KCNU1: variants seen among roughly 807,000 people sequenced by gnomAD.
KCNU1 encodes potassium channel subfamily U member 1.
A neutral mutation model predicts 126.8 loss-of-function variants in KCNU1; 93 were observed. The ratio of observed to expected loss-of-function variants is 0.73; its 90% CI spans 0.62 to 0.87. The LOEUF is 0.87. Among genes scored for constraint, KCNU1 ranks in the 40% least tolerant of loss-of-function variants. The pLI, the probability that KCNU1 is intolerant of heterozygous loss-of-function variation, is 0.00. For missense variants in KCNU1, 1,330 were observed against 1,367.1 expected (o/e 0.97, Z 0.43); for synonymous variants, 523 against 494.2 (o/e 1.06, Z -0.77).
chr8:36,817,938 A>G (rs1014063753), intron 10 of KCNU1, among the ~76,000 whole-genome samples, 178 bp downstream of exon 10: 3 of 152,214 alleles, frequency 2.0e-5, no homozygotes, highest in Admixed American at 6.5e-5. Flanking sequence ...ATTTTGGAAT[A>G]TATCTTGTCA....
chr8:36,856,470 G>C (rs1805531957), intron 18 of KCNU1, among the ~76,000 whole-genome samples: 1 of 152,166 alleles, frequency 6.6e-6, no homozygotes, highest in East Asian at 1.9e-4. Flanking sequence ...TAGTGACTTG[G>C]CTGAACTGTT....
rs762562417 is a variant in KCNU1, at chr8:36,935,705, G to A, written c.3235G>A (p.Asp1079Asn). The change falls in exon 27 of 27, where the codon GAT (aspartate) becomes AAT (asparagine). Residue 1079 changes from aspartate (D) to asparagine (N), a missense_variant. Asp to Asn is a conservative substitution (Grantham distance 23). This residue lies in a region of KCNU1 where 1,054 missense variants were observed against 1,053.9 expected (regional missense o/e 1.00). Transcript: ENST00000399881. ...HSDTNCPPTIDSVTETLYSPV... is the reference protein window; with the variant it reads ...HSDTNCPPTINSVTETLYSPV... ...AGACACAAATTGTCCTCCCACCATTGATTCAGTTACTGAGACATTGTATTC... is the reference window on the plus strand; with the variant it reads ...AGACACAAATTGTCCTCCCACCATTAATTCAGTTACTGAGACATTGTATTC... 1.3e-5 allele frequency: 21 copies of A among 1,613,290 alleles called. No homozygotes were observed. In the Admixed American group the frequency reaches 3.2e-4, roughly 24 times the overall value.
At chr8:36,905,220 T>C (rs995657786) in intron 19 of KCNU1, among the ~76,000 whole-genome samples, 3 of 152,020 alleles carry the variant, frequency 2.0e-5, no homozygotes, top group African/African-American at 7.2e-5. Context: ...ATGCAAAAAG[T>C]ATTTACTAAA....
chr8:36,834,320 C>T (rs992507579), intron 11 of KCNU1, among the ~76,000 whole-genome samples: 1 of 152,142 alleles, frequency 6.6e-6, no homozygotes, highest in Non-Finnish European at 1.5e-5. Flanking sequence ...ACTGTAAGAG[C>T]CATTTCAGTA....
intron 25 of KCNU1, among the ~76,000 whole-genome samples, chr8:36,932,447 T>C (rs1439272162): frequency 2.0e-5 from 3 of 152,076 alleles, no homozygotes; most frequent in Non-Finnish European, 2.9e-5. Context: ...GGGCTTGAAA[T>C]TGTTGTCTAT....
chr8:36,912,030 A>C (rs187186939), intron 22 of KCNU1, among the ~76,000 whole-genome samples: 77 of 152,326 alleles, frequency 5.1e-4, no homozygotes, highest in Non-Finnish European at 5.7e-4. Context: ...TAGAAATAAA[A>C]GTAAGTCATG....
intron 22 of KCNU1, among the ~76,000 whole-genome samples, chr8:36,913,847 T>C (rs4739453): frequency 0.58 from 87,982 of 151,738 alleles, 25,578 homozygotes; most frequent in South Asian, 0.63. Flanking sequence ...GTGATCCGTC[T>C]GCCTCGGCCT....
intron 2 of KCNU1, among the ~76,000 whole-genome samples, chr8:36,801,405 T>C (rs1803298924): frequency 6.6e-6 from 1 of 151,350 alleles, no homozygotes. Context: ...TCTTTGGGTT[T>C]GTGGTATTCA....
At chr8:36,798,632 C>A (rs1269808378) in intron 2 of KCNU1, among the ~76,000 whole-genome samples, 2 of 152,128 alleles carry the variant, frequency 1.3e-5, no homozygotes, top group Non-Finnish European at 2.9e-5. Context: ...CAGTCTTTTA[C>A]CTTAACCTGA....
intron 2 of KCNU1, among the ~76,000 whole-genome samples, chr8:36,793,198 C>T (rs776148764): frequency 8.1e-4 from 76 of 93,880 alleles, no homozygotes; most frequent in Non-Finnish European, 9.3e-4. Context: ...ACACAGGGGC[C>T]TGTTGTGGGA....
At chr8:36,804,336 C>T (rs1803421321) in intron 3 of KCNU1, among the ~76,000 whole-genome samples, 1 of 152,186 alleles carries the variant, frequency 6.6e-6, no homozygotes, top group African/African-American at 2.4e-5. Context: ...CTGCAACCCC[C>T]ACCCGAGATT....
At chr8:36,893,694 C>G (rs1159577332) in intron 19 of KCNU1, among the ~76,000 whole-genome samples, 1 of 151,934 alleles carries the variant, frequency 6.6e-6, no homozygotes, top group Non-Finnish European at 1.5e-5. Flanking sequence ...TTGTTCTTAC[C>G]AAGATCTCAC....
chr8:36,908,774 C>T (rs1025706131), intron 20 of KCNU1, among the ~76,000 whole-genome samples: 1 of 152,018 alleles, frequency 6.6e-6, no homozygotes. Context: ...TATGAAATTG[C>T]CATTGTTCAA....
At chr8:36,874,371 G>A (rs1806207378) in intron 19 of KCNU1, among the ~76,000 whole-genome samples, 1 of 152,000 alleles carries the variant, frequency 6.6e-6, no homozygotes, top group African/African-American at 2.4e-5. Context: ...AATTCTGTGG[G>A]GGCAGTCCTT....
chr8:36,928,006 GGGAGGGAGGGAA>G (rs1163355456), intron 24 of KCNU1, among the ~76,000 whole-genome samples: 5 of 147,300 alleles, frequency 3.4e-5, no homozygotes, highest in Admixed American at 6.8e-5. Flanking sequence ...AAGGAAGGGA[GGGAGGGAGGGAA>G]GGAGGGAGGG....
At position 36,936,103 on chromosome 8, in the gene KCNU1, T is replaced by A. The variant is rs1808850376; in HGVS notation, c.*183T>A. On this transcript the variant is annotated 3_prime_UTR_variant, in exon 27 of 27. Transcript: ENST00000399881. ...TCTAATGCCACTGGATCTTGTGTGA[T>A]AAATAAAGAAATATATGATCAATGC... The A allele has an allele frequency of 1.0e-5, 5 of 485,744 alleles. No homozygotes were observed. The highest frequency in any genetic ancestry group is 7.2e-6 in the Non-Finnish European group (2 of 279,480). The allele number at this position is 485,744 out of a possible 1,614,324, so 30.1% of individuals were successfully genotyped here.
At position 36,814,194 on chromosome 8, in the gene KCNU1, T is replaced by G; in HGVS notation, c.733-13T>G. 1 of 1,608,690 alleles carries G rather than the reference T, an allele frequency of 6.2e-7. No individual in the cohort carries two copies. The highest frequency in any genetic ancestry group is 8.5e-7 in the Non-Finnish European group (1 of 1,175,652). ...CTATTCAGATGTTTCCTGAGTCTTC[T>G]CTCTTTGGACAGGTGGAAAATTCTG... On this transcript the variant is annotated splice_polypyrimidine_tract_variant and intron_variant, in intron 7 of 26. Coordinates refer to ENST00000399881, the MANE Select transcript of KCNU1 (RefSeq NM_001031836.3).
At chr8:36,801,340 C>T (rs895467069) in intron 2 of KCNU1, among the ~76,000 whole-genome samples, 2 of 152,004 alleles carry the variant, frequency 1.3e-5, no homozygotes, top group Non-Finnish European at 2.9e-5. Flanking sequence ...CCAGTGCCTT[C>T]TTTTGGTTTT....
chr8:36,916,386 T>G (rs1255518498), intron 22 of KCNU1, among the ~76,000 whole-genome samples: 15 of 117,978 alleles, frequency 1.3e-4, no homozygotes, highest in East Asian at 2.5e-4. Flanking sequence ...AGGGAGGAAA[T>G]GAGGAAGGGG....
Sources: allele counts gnomAD v4.1 joint callset (sites outside exome capture counted in the v4.1 genomes callset), GRCh38; gene constraint gnomAD v4.1.1; regional missense constraint gnomAD v4.1.1; transcripts MANE v1.5; gene names NCBI Gene and HGNC (gene_info 2026-07-23, HGNC 2026-07-21).